Variants in ADAMTS9 observed in about 807,000 individuals in gnomAD.
The protein encoded by ADAMTS9 is A disintegrin and metalloproteinase with thrombospondin motifs 9.
In ADAMTS9, 107 loss-of-function variants were observed where a neutral mutation model predicts 257.1. The ratio of observed to expected loss-of-function variants is 0.42; its 90% CI spans 0.36 to 0.49. The LOEUF (loss-of-function observed/expected upper bound fraction) is 0.49, where lower values mean the gene tolerates loss of function less well. ADAMTS9 is among the 20% of genes least tolerant of loss of function. The pLI is 0.03. For missense variants in ADAMTS9, 2,353 were observed against 2,469.1 expected (o/e 0.95, Z 1.00); for synonymous variants, 982 against 880.9 (o/e 1.11, Z -2.03).
At chr3:64,648,520 T>C (rs1700851741) in intron 10 of ADAMTS9, among the ~76,000 whole-genome samples, 2 of 152,252 alleles carry the variant, frequency 1.3e-5, no homozygotes, top group Admixed American at 1.3e-4. Context: ...TCTATTCCAT[T>C]TGCTATATTT....
chr3:64,649,348 C>G (rs750876985), intron 10 of ADAMTS9, among the ~76,000 whole-genome samples: 1 of 152,148 alleles, frequency 6.6e-6, no homozygotes, highest in Non-Finnish European at 1.5e-5. Flanking sequence ...AACTCCGTAA[C>G]CTTGCTGCCT....
chr3:64,550,990 G>A lies in ADAMTS9; in HGVS notation c.4771C>T (p.His1591Tyr). The A allele has an allele frequency of 1.2e-6, 2 of 1,614,176 alleles. No individual in the cohort carries two copies. Among genetic ancestry groups the A allele is most frequent in the Non-Finnish European group, 1.7e-6 (2 of 1,180,028 alleles). The change falls in exon 31 of 40, where the codon CAT becomes TAT. Residue 1591 changes from histidine to tyrosine, a missense_variant. His to Tyr is a moderately conservative substitution (Grantham distance 83, BLOSUM62 2). Around this residue, in one of 3 missense-constraint regions of ADAMTS9, gnomAD observed 1,402 missense variants for 1,441.4 expected, o/e 0.97. Coordinates refer to ENST00000498707, the MANE Select transcript of ADAMTS9 (RefSeq NM_182920.2). ...VCVDDNKNEV[H>Y]GARCDVSKRP... ...TTGCTCACGTCACAGCGTGCCCCAT[G>A]CACCTCGTTTTTGTTGTCATCCACA...
chr3:64,668,609 CTT>C (rs1701406395), intron 3 of ADAMTS9, among the ~76,000 whole-genome samples: 1 of 152,136 alleles, frequency 6.6e-6, no homozygotes, highest in African/African-American at 2.4e-5. Context: ...GGTGAAATGA[CTT>C]AGTCTACATA....
intron 37 of ADAMTS9, among the ~76,000 whole-genome samples, chr3:64,534,252 T>A (rs2083018803): frequency 6.6e-6 from 1 of 152,164 alleles, no homozygotes; most frequent in East Asian, 1.9e-4. Context: ...CCTGGCCAGA[T>A]CTTTTCTCAC....
At chr3:64,579,915 T>C (rs888227610) in intron 28 of ADAMTS9, among the ~76,000 whole-genome samples, 2 of 152,200 alleles carry the variant, frequency 1.3e-5, no homozygotes, top group African/African-American at 4.8e-5. Context: ...TATCTGAGAA[T>C]ATCATATAAA....
At chr3:64,606,876 G>T (rs538471270) in intron 23 of ADAMTS9, 84 bp downstream of exon 23, 245 of 1,552,102 alleles carry the variant, frequency 1.6e-4, no homozygotes, top group Non-Finnish European at 1.9e-4. Context: ...ATCTATGAAA[G>T]GATTTCAATT....
At chr3:64,673,953 T>C (rs1243209586) in intron 3 of ADAMTS9, among the ~76,000 whole-genome samples, 2 of 152,176 alleles carry the variant, frequency 1.3e-5, no homozygotes, top group East Asian at 3.9e-4. Flanking sequence ...AAATGGTTTT[T>C]AAAAACAAAA....
intron 2 of ADAMTS9, among the ~76,000 whole-genome samples, chr3:64,683,697 C>A (rs980396377): frequency 6.6e-6 from 1 of 152,062 alleles, no homozygotes; most frequent in Non-Finnish European, 1.5e-5. Flanking sequence ...CAAAGGTGGG[C>A]CTAAGAGTTA....
Position 64,663,512 on chromosome 3 carries a change from G to A in ADAMTS9, c.680-4721C>T, listed in dbSNP as rs555055347. ...GAGGGGAAAAACAAATGTACTATCA[G>A]AATCATCAGAGAGGACTTGGGCACA... is the stretch of plus-strand genomic sequence containing the variant. On this transcript the variant is annotated intron_variant, in intron 3 of 39. Transcript: ENST00000498707. Among the ~76,000 whole-genome samples, 169 of 148,576 alleles carry A rather than the reference G, an allele frequency of 1.1e-3. 1 individual carries two copies. Among genetic ancestry groups the A allele is most frequent in the African/African-American group, 4.0e-3 (160 of 40,226 alleles).
At chr3:64,600,199 G>A (rs776915832) in intron 26 of ADAMTS9, among the ~76,000 whole-genome samples, 4 of 151,864 alleles carry the variant, frequency 2.6e-5, no homozygotes, top group African/African-American at 7.3e-5. Flanking sequence ...ACCCTTTGCC[G>A]CCTTTTCTGC....
intron 4 of ADAMTS9, among the ~76,000 whole-genome samples, chr3:64,658,169 G>T (rs1011532128): frequency 1.3e-5 from 2 of 152,152 alleles, no homozygotes; most frequent in Non-Finnish European, 2.9e-5. Flanking sequence ...ACCTGACCAT[G>T]GGCAAGTGAC....
intron 38 of ADAMTS9, among the ~76,000 whole-genome samples, chr3:64,527,272 T>C (rs1365590403): frequency 1.3e-5 from 2 of 152,376 alleles, no homozygotes; most frequent in East Asian, 1.9e-4. Flanking sequence ...TTACATATAA[T>C]TAAATGAATG....
intron 12 of ADAMTS9, among the ~76,000 whole-genome samples, chr3:64,635,235 C>T (rs1324745124): frequency 6.6e-6 from 1 of 152,142 alleles, no homozygotes; most frequent in Non-Finnish European, 1.5e-5. Flanking sequence ...AACGTACTTG[C>T]TCGATCAAAG....
intron 12 of ADAMTS9, among the ~76,000 whole-genome samples, chr3:64,639,989 T>C (rs1700599036): frequency 6.6e-6 from 1 of 152,194 alleles, no homozygotes; most frequent in African/African-American, 2.4e-5. Flanking sequence ...GTAGGAATAG[T>C]GTGACAACTT....
At chr3:64,674,697 T>C (rs73832377) in intron 3 of ADAMTS9, among the ~76,000 whole-genome samples, 1,679 of 152,316 alleles carry the variant, frequency 0.011, 24 homozygotes, top group African/African-American at 0.038. Flanking sequence ...ACTGACTTGC[T>C]TGGGGCCCAG....
At chr3:64,656,527 A>T (rs185656059) in intron 4 of ADAMTS9, among the ~76,000 whole-genome samples, 1 of 152,330 alleles carries the variant, frequency 6.6e-6, no homozygotes, top group East Asian at 1.9e-4. Flanking sequence ...AGTCACTCAG[A>T]GAAATTAAGT....
Position 64,550,760 on chromosome 3 carries a change from C to G in ADAMTS9, c.4869+132G>C, listed in dbSNP as rs576712209. 3.6e-5 allele frequency: 40 copies of G among 1,107,242 alleles called. No individual in the cohort carries two copies. The South Asian group carries it at 4.5e-4, about 12-fold the overall frequency. 68.6% of individuals were successfully genotyped at this position (1,107,242 alleles called of 1,614,324 possible). Reference sequence around the variant, plus strand: ...AAAGCTGAGGACTTGTCAGAAAACACACAGTTCACAGTGGCAAATCGGGCG... The same window carrying G: ...AAAGCTGAGGACTTGTCAGAAAACAGACAGTTCACAGTGGCAAATCGGGCG... On this transcript the variant is annotated intron_variant, in intron 31 of 39. Transcript: ENST00000498707.
In ADAMTS9 at chr3:64,604,319, G is replaced by T. The variant is rs1473781174; in HGVS notation, c.3487C>A (p.Pro1163Thr). The T allele has an allele frequency of 1.9e-6, 3 of 1,610,280 alleles. No individual in the cohort carries two copies. Among genetic ancestry groups the T allele is most frequent in the Non-Finnish European group, 2.5e-6 (3 of 1,178,550 alleles). Residue 1163 changes from proline (P) to threonine (T), a missense_variant, in exon 24 of 40, where the codon CCA becomes ACA. By Grantham distance (38) the Pro-to-Thr change is conservative. Transcript: ENST00000498707. ...GCAGCTGGGGGAGGATGACATGATG[G>T]TAATTCACAGTCCTAGACGTGATGG... Reference protein sequence around the residue: ...RPTDTQDCELPSCHPPPAAPE... With the variant: ...RPTDTQDCELTSCHPPPAAPE...
intron 29 of ADAMTS9, 108 bp from the exon 30 acceptor site, chr3:64,561,859 T>C: frequency 2.1e-6 from 2 of 941,120 alleles, no homozygotes; most frequent in Non-Finnish European, 3.2e-6. Context: ...ATCCAATGAC[T>C]TTCATAGCTA....
Sources: gnomAD v4.1 joint callset for allele counts (sites outside exome capture counted in the v4.1 genomes callset) on GRCh38, gnomAD v4.1.1 for gene constraint, gnomAD v4.1.1 regional missense constraint, MANE v1.5 for transcripts, NCBI Gene and HGNC (gene_info 2026-07-23, HGNC 2026-07-21) for gene names.